RTF1: variants seen among roughly 807,000 people sequenced by gnomAD.
RTF1 encodes RTF1 homolog, Paf1/RNA polymerase II complex component, also known as RNA polymerase-associated protein RTF1 homolog.
A neutral mutation model predicts 95.7 loss-of-function variants in RTF1; 10 were observed. The ratio of observed to expected loss-of-function variants is 0.10; its 90% confidence interval spans 0.06 to 0.18. The LOEUF is 0.18. Ranked by LOEUF, RTF1 falls within the 10% of genes least tolerant of loss-of-function variation. The pLI is 1.00. For synonymous variants in RTF1, 305 were observed against 311.8 expected, an observed-to-expected ratio of 0.98 and a Z score of 0.23; for missense variants, 458 against 875.6, an observed-to-expected ratio of 0.52 and a Z score of 6.02.
chr15:41,426,537 C>T (rs1294292851), intron 1 of RTF1, among the ~76,000 whole-genome samples: 6 of 151,824 alleles, frequency 4.0e-5, no homozygotes, highest in South Asian at 2.1e-4. Context: ...GAACTCCAGA[C>T]GTCATGATCT....
At chr15:41,429,999 A>ATTT (rs2050660492) in intron 1 of RTF1, among the ~76,000 whole-genome samples, 1 of 137,562 alleles carries the variant, frequency 7.3e-6, no homozygotes, top group Non-Finnish European at 1.6e-5. Context: ...AATTTATTTT[A>ATTT]TTTTTTCTTT....
chr15:41,445,546 A>G (rs1218650551), intron 2 of RTF1, among the ~76,000 whole-genome samples: 1 of 152,154 alleles, frequency 6.6e-6, no homozygotes, highest in African/African-American at 2.4e-5. Flanking sequence ...AGTTAAATGT[A>G]TGTGATTGCT....
At chr15:41,471,103 A>T in intron 7 of RTF1, 69 bp from the exon 8 acceptor site, 1 of 1,433,404 alleles carries the variant, frequency 7.0e-7, no homozygotes, top group East Asian at 2.3e-5. Context: ...TGAGGAGTTG[A>T]TATTATTTTT....
At chr15:41,475,493 T>C in intron 9 of RTF1, 32 bp from the exon 10 acceptor site, 1 of 1,582,118 alleles carries the variant, frequency 6.3e-7, no homozygotes, top group Non-Finnish European at 8.7e-7. Flanking sequence ...AACATGCACA[T>C]TTCTTGGAGA....
Position 41,477,443 on chromosome 15 carries a change from C to T in RTF1, c.1683-15C>T. 6.2e-7 allele frequency: 1 copy of T among 1,614,128 alleles called. No homozygotes were observed. The highest frequency in any genetic ancestry group is 8.5e-7 in the Non-Finnish European group (1 of 1,179,986). On this transcript the variant is annotated splice_polypyrimidine_tract_variant and intron_variant, in intron 13 of 17. Coordinates refer to ENST00000389629, the MANE Select transcript of RTF1 (RefSeq NM_015138.5). Reference sequence around the variant, plus strand: ...CTTGTTTCACAGCCACTGACTCATCCCTCTTACCCCACAGTTACATCAACC... The same window carrying T: ...CTTGTTTCACAGCCACTGACTCATCTCTCTTACCCCACAGTTACATCAACC...
intron 3 of RTF1, among the ~76,000 whole-genome samples, 197 bp from the exon 4 acceptor site, chr15:41,457,475 A>G (rs2050825043): frequency 6.6e-6 from 1 of 152,068 alleles, no homozygotes; most frequent in Non-Finnish European, 1.5e-5. Context: ...GGAGGAGCTG[A>G]GATTGTGCCA....
intron 1 of RTF1, among the ~76,000 whole-genome samples, chr15:41,435,273 G>T (rs2050696094): frequency 6.6e-6 from 1 of 151,984 alleles, no homozygotes; most frequent in African/African-American, 2.4e-5. Flanking sequence ...GTGGTTTAAA[G>T]TATTTGTCAA....
rs187206257 is a variant in RTF1 at position 41,458,047 on chromosome 15, A to G, written c.662+171A>G. ...GTATTAAATTTCAATCACATTCATT[A>G]TTTACTCAGTGCCACTGGCTTTGTT... On this transcript the variant is annotated intron_variant, in intron 4 of 17. Transcript: ENST00000389629. 9.9e-5 allele frequency among the ~76,000 whole-genome samples: 15 copies of G among 152,198 alleles called. No homozygotes were observed. The East Asian group carries it at 2.9e-3, about 29-fold the overall frequency.
At chr15:41,451,874 T>G (rs978652186) in intron 2 of RTF1, among the ~76,000 whole-genome samples, 2 of 152,172 alleles carry the variant, frequency 1.3e-5, no homozygotes, top group South Asian at 2.1e-4. Context: ...TGCCATAAAG[T>G]TGATATCTTT....
intron 3 of RTF1, among the ~76,000 whole-genome samples, chr15:41,455,634 G>A (rs910786962): frequency 1.3e-5 from 2 of 151,234 alleles, no homozygotes. Flanking sequence ...GTGAGACCCT[G>A]TCTCTGCTAA....
intron 2 of RTF1, among the ~76,000 whole-genome samples, chr15:41,440,968 CTTTTTTT>C (rs55996061): frequency 1.7e-5 from 2 of 115,428 alleles, no homozygotes. Flanking sequence ...CTAGTCCCCT[CTTTTTTT>C]TTTTTTTTTT....
chr15:41,475,807 G>T lies in RTF1; in HGVS notation c.1470G>T (p.Gln490His). Reference protein sequence around the residue: ...KEALNYKFNDQDIEEIVKEKE... With the variant: ...KEALNYKFNDHDIEEIVKEKE... The stretch of plus-strand genomic sequence containing the variant: ...CTCTTAATTATAAATTCAATGATCA[G>T]GACATTGAAGAGGTAAGAAAACTGG... Residue 490 changes from glutamine (Q) to histidine (H), a missense_variant, in exon 11 of 18, where the codon CAG becomes CAT. Coordinates refer to ENST00000389629, the MANE Select transcript of RTF1 (RefSeq NM_015138.5). The T allele has an allele frequency of 6.4e-7, 1 of 1,561,950 alleles. No homozygotes were observed. Among genetic ancestry groups the T allele is most frequent in the Non-Finnish European group, 8.8e-7 (1 of 1,141,698 alleles).
chr15:41,428,153 G>T (rs1049355217), intron 1 of RTF1, among the ~76,000 whole-genome samples: 1 of 151,218 alleles, frequency 6.6e-6, no homozygotes, highest in Non-Finnish European at 1.5e-5. Context: ...GCTACATGGT[G>T]GGACATTTTC....
intron 1 of RTF1, among the ~76,000 whole-genome samples, chr15:41,434,772 C>G (rs759470547): frequency 6.6e-6 from 1 of 151,606 alleles, no homozygotes; most frequent in Non-Finnish European, 1.5e-5. Context: ...GGATTACAGG[C>G]GCACATCACC....
chr15:41,430,879 G>C (rs926005397), intron 1 of RTF1, among the ~76,000 whole-genome samples: 5 of 152,104 alleles, frequency 3.3e-5, no homozygotes, highest in Non-Finnish European at 2.9e-5. Flanking sequence ...AGTCTTTGCT[G>C]TCTCCATACT....
intron 1 of RTF1, 120 bp downstream of exon 1, chr15:41,417,433 G>T (rs2050576966): frequency 1.2e-6 from 1 of 837,120 alleles, no homozygotes. Flanking sequence ...CCCGTGCCCT[G>T]GGCACCACTA....
rs1319735257 is a variant in RTF1, at chr15:41,481,265, G to A, written c.*578G>A. ...TTTGTGGGGGGGGGGGGTCTAATTT[G>A]AGAGCGAGAGTGTGTATGTGTGTGT... On this transcript the variant is annotated 3_prime_UTR_variant, in exon 18 of 18. Coordinates refer to ENST00000389629, the MANE Select transcript of RTF1 (RefSeq NM_015138.5). 6.6e-6 allele frequency: 1 copy of A among 150,812 alleles called. No individual in the cohort carries two copies. The highest frequency in any genetic ancestry group is 1.5e-5 in the Non-Finnish European group (1 of 68,580). 9.3% of individuals were successfully genotyped at this position (150,812 alleles called of 1,614,324 possible).
chr15:41,438,543 C>A, intron 2 of RTF1, 112 bp downstream of exon 2: 1 of 628,700 alleles, frequency 1.6e-6, no homozygotes, highest in Non-Finnish European at 2.7e-6. Context: ...CTAAGATCTA[C>A]AAGAATTTAT....
At chr15:41,430,581 A>G (rs2050664498) in intron 1 of RTF1, among the ~76,000 whole-genome samples, 1 of 151,662 alleles carries the variant, frequency 6.6e-6, no homozygotes, top group Non-Finnish European at 1.5e-5. Context: ...CTCTACTAAT[A>G]ATACAAAATA....
Sources: gnomAD v4.1 joint callset for allele counts (sites outside exome capture counted in the v4.1 genomes callset) on GRCh38, gnomAD v4.1.1 for gene constraint, MANE v1.5 for transcripts, NCBI Gene and HGNC (gene_info 2026-07-23, HGNC 2026-07-21) for gene names.